The following SYCP2 variants were observed in gnomAD, a reference collection of about 807,000 sequenced individuals.
The protein encoded by SYCP2 is synaptonemal complex protein 2, also known as synaptonemal complex lateral element protein.
SYCP2 carries 55 observed loss-of-function variants against 211.3 expected under a neutral mutation model. That is an observed-to-expected ratio of 0.26 (90% CI 0.21 to 0.33). The LOEUF is 0.33. Ranked by LOEUF, SYCP2 falls within the 10% of genes least tolerant of loss-of-function variation. The pLI is 1.00. For synonymous variants in SYCP2, 570 were observed against 555.2 expected (o/e 1.03, Z -0.37); for missense variants, 1,731 against 1,752.0 (o/e 0.99, Z 0.21).
intron 33 of SYCP2, among the ~76,000 whole-genome samples, chr20:59,876,362 T>C (rs1293866519): frequency 3.4e-5 from 2 of 58,704 alleles, no homozygotes; most frequent in Admixed American, 2.7e-4. Context: ...AAAGCGAGGC[T>C]GTGTCTCAAA....
chr20:59,890,054 T>C (rs1460306766), intron 24 of SYCP2, among the ~76,000 whole-genome samples: 1 of 152,186 alleles, frequency 6.6e-6, no homozygotes, highest in Non-Finnish European at 1.5e-5. Flanking sequence ...ACTGGGTATA[T>C]ACCCAAAGGA....
chr20:59,924,794 C>T (rs757811608), intron 2 of SYCP2, among the ~76,000 whole-genome samples: 12 of 151,990 alleles, frequency 7.9e-5, no homozygotes, highest in Middle Eastern at 3.4e-3. Flanking sequence ...GTTGGATTTA[C>T]CATAAAAGTC....
At chr20:59,895,657 T>C (rs1236191641) in intron 19 of SYCP2, 60 bp from the exon 20 acceptor site, 1 of 1,570,946 alleles carries the variant, frequency 6.4e-7, no homozygotes, top group Non-Finnish European at 8.7e-7. Context: ...ATTATTGAGG[T>C]ACTTTTCCAA....
intron 12 of SYCP2, among the ~76,000 whole-genome samples, chr20:59,913,550 G>A (rs925327121): frequency 6.6e-6 from 1 of 152,034 alleles, no homozygotes; most frequent in Non-Finnish European, 1.5e-5. Context: ...AATTATAAAG[G>A]AAGATGATTT....
At chr20:59,872,787 A>C (rs2059478583) in intron 35 of SYCP2, among the ~76,000 whole-genome samples, 1 of 152,218 alleles carries the variant, frequency 6.6e-6, no homozygotes, top group Non-Finnish European at 1.5e-5. Context: ...GAATAGGCTT[A>C]TTCCTGCAAT....
intron 2 of SYCP2, among the ~76,000 whole-genome samples, chr20:59,927,154 G>A (rs1002044478): frequency 6.6e-6 from 1 of 152,042 alleles, no homozygotes; most frequent in African/African-American, 2.4e-5. Flanking sequence ...ATGTGTCTTT[G>A]GGACTTAAAA....
chr20:59,902,960 C>T (rs2060143331), intron 15 of SYCP2, among the ~76,000 whole-genome samples: 1 of 151,922 alleles, frequency 6.6e-6, no homozygotes, highest in African/African-American at 2.4e-5. Flanking sequence ...TTGTTTTATT[C>T]CTCTGATATG....
At chr20:59,887,199 T>C (rs188331826) in intron 24 of SYCP2, among the ~76,000 whole-genome samples, 80 of 151,874 alleles carry the variant, frequency 5.3e-4, no homozygotes, top group African/African-American at 1.9e-3. Flanking sequence ...CCCCTTCCTG[T>C]GTCCAAGTGT....
Position 59,870,001 on chromosome 20 carries a change from C to T in SYCP2, c.3556-18G>A, listed in dbSNP as rs372869737. The T allele has an allele frequency of 2.0e-5, 30 of 1,505,922 alleles. No individual in the cohort carries two copies. The African/African-American group carries it at 4.1e-4, about 20-fold the overall frequency. 93.3% of individuals were successfully genotyped at this position (1,505,922 alleles called of 1,614,324 possible). Reference sequence around the variant, plus strand: ...TGTCTGGGCTATGAATGAAGACATACAAAAACCCAATAAGAAGTTACAAAA... The same window carrying T: ...TGTCTGGGCTATGAATGAAGACATATAAAAACCCAATAAGAAGTTACAAAA... On this transcript the variant is annotated intron_variant, in intron 35 of 44. Coordinates refer to ENST00000357552, the MANE Select transcript of SYCP2 (RefSeq NM_014258.4).
chr20:59,901,348 A>G (rs759802074), intron 16 of SYCP2, among the ~76,000 whole-genome samples: 1 of 152,064 alleles, frequency 6.6e-6, no homozygotes, highest in Non-Finnish European at 1.5e-5. Context: ...CTTCTGATGT[A>G]TCATGTGTGT....
At chr20:59,920,305 CAT>C (rs2060517201) in intron 5 of SYCP2, 52 bp downstream of exon 5, 2 of 1,407,192 alleles carry the variant, frequency 1.4e-6, no homozygotes, top group Admixed American at 4.4e-5. Flanking sequence ...TACTAGAAAG[CAT>C]ATCTTTTATA....
intron 15 of SYCP2, among the ~76,000 whole-genome samples, chr20:59,904,891 A>G (rs2060185724): frequency 6.6e-6 from 1 of 151,892 alleles, no homozygotes; most frequent in South Asian, 2.1e-4. Flanking sequence ...GGAGCAAGAG[A>G]GAGATGGGAA....
At chr20:59,904,543 A>C (rs1255572882) in intron 15 of SYCP2, among the ~76,000 whole-genome samples, 1 of 152,182 alleles carries the variant, frequency 6.6e-6, no homozygotes, top group African/African-American at 2.4e-5. Flanking sequence ...AAGAAAAAAG[A>C]AACTCTTCTG....
Position 59,880,319 on chromosome 20 carries a change from A to T in SYCP2, c.2925T>A (p.His975Gln). The T allele has an allele frequency of 6.3e-7, 1 of 1,583,822 alleles. No homozygotes were observed. Among genetic ancestry groups the T allele is most frequent in the Non-Finnish European group, 8.6e-7 (1 of 1,163,268 alleles). ...DYSRNKNVKN[H>Q]KSGKSRSSLE... ...ATTTCTTACTTGATTTTCCACTTTT[A>T]TGATTCTTCACATTTTTATTTCTGC... The change falls in exon 31 of 45, where the codon CAT (histidine) becomes CAA (glutamine). Residue 975 changes from histidine (H) to glutamine (Q), a missense_variant. By Grantham distance (24) the His-to-Gln change is conservative. Transcript: ENST00000357552.
At chr20:59,889,207 A>T (rs1259596379) in intron 24 of SYCP2, among the ~76,000 whole-genome samples, 1 of 152,004 alleles carries the variant, frequency 6.6e-6, no homozygotes, top group Non-Finnish European at 1.5e-5. Context: ...ACAACAAAGC[A>T]TGAAGCCTAA....
At chr20:59,927,585 GA>G (rs1222103837) in intron 2 of SYCP2, among the ~76,000 whole-genome samples, 3 of 152,064 alleles carry the variant, frequency 2.0e-5, no homozygotes, top group Non-Finnish European at 4.4e-5. Context: ...ATGAAGAAAG[GA>G]AAAGAACCAT....
At chr20:59,924,110 T>A in intron 2 of SYCP2, among the ~76,000 whole-genome samples, 1 of 151,850 alleles carries the variant, frequency 6.6e-6, no homozygotes, top group South Asian at 2.1e-4. Context: ...AAAGATGTCC[T>A]CTCTATACCA....
At chr20:59,919,767 A>C (rs2060507084) in intron 5 of SYCP2, among the ~76,000 whole-genome samples, 170 bp from the exon 6 acceptor site, 2 of 151,738 alleles carry the variant, frequency 1.3e-5, no homozygotes, top group Admixed American at 1.3e-4. Flanking sequence ...TTTTTTTTTA[A>C]CTATCTTTTC....
At chr20:59,903,166 A>C (rs2145791414) in intron 15 of SYCP2, among the ~76,000 whole-genome samples, 1 of 151,906 alleles carries the variant, frequency 6.6e-6, no homozygotes, top group South Asian at 2.1e-4. Context: ...GTTATATTTT[A>C]ATGATTGCTT....
Sources: allele counts gnomAD v4.1 joint callset (sites outside exome capture counted in the v4.1 genomes callset), GRCh38; gene constraint gnomAD v4.1.1; transcripts MANE v1.5; gene names NCBI Gene and HGNC (gene_info 2026-07-23, HGNC 2026-07-21).